The following NUDT3 variants were observed in gnomAD, a reference collection of about 807,000 sequenced individuals.
The protein encoded by NUDT3 is diphosphoinositol polyphosphate phosphohydrolase 1.
In NUDT3, 9 loss-of-function variants were observed where a neutral mutation model predicts 23.6. The observed-to-expected ratio is 0.38, with a 90% confidence interval of 0.23 to 0.66. The LOEUF (loss-of-function observed/expected upper bound fraction) is 0.66. Among genes scored for constraint, NUDT3 ranks in the 30% least tolerant of loss-of-function variants. NUDT3 has a pLI of 0.52. For synonymous variants in NUDT3, 86 were observed against 82.6 expected, an observed-to-expected ratio of 1.04 and a Z score of -0.22; for missense variants, 172 against 218.5, an observed-to-expected ratio of 0.79 and a Z score of 1.34.
At chr6:34,364,607 C>A (rs1159267580) in intron 1 of NUDT3, among the ~76,000 whole-genome samples, 1 of 152,184 alleles carries the variant, frequency 6.6e-6, no homozygotes, top group African/African-American at 2.4e-5. Context: ...TTTTGCCCAA[C>A]CTTTACCTTG....
rs116043379 is a variant in NUDT3 at position 34,368,275 on chromosome 6, G to A, written c.99+23989C>T. On this transcript the variant is annotated intron_variant, in intron 1 of 4. Transcript: ENST00000607016. ...TCTTTCTTGGGATGTTTTCATATTA[G>A]GACTACTTCAAGCTGCTTTTTTCCT... Among the ~76,000 whole-genome samples, 1,220 of 152,268 alleles carry A rather than the reference G, an allele frequency of 8.0e-3. 15 individuals carry two copies. The highest frequency in any genetic ancestry group is 0.024 in the Middle Eastern group (7 of 294).
chr6:34,301,717 A>C lies in NUDT3; in HGVS notation c.211-6032T>G, dbSNP rs114681667. Among the ~76,000 whole-genome samples, 540 of 152,336 alleles carry C rather than the reference A, an allele frequency of 3.5e-3. 5 individuals are homozygous for C. Among genetic ancestry groups the C allele is most frequent in the Admixed American group, 7.6e-3 (117 of 15,304 alleles). ...TTGACCTTGGCTTGTAAGGAGTAAT[A>C]AGTACTATTTTAAGCCACTGCATTT... On this transcript the variant is annotated intron_variant, in intron 2 of 4. Coordinates refer to ENST00000607016, the MANE Select transcript of NUDT3 (RefSeq NM_006703.4).
intron 2 of NUDT3, among the ~76,000 whole-genome samples, chr6:34,331,999 CAAGT>C (rs1395798445): frequency 1.3e-5 from 2 of 152,102 alleles, no homozygotes; most frequent in Admixed American, 1.3e-4. Flanking sequence ...CTCAGCCTCC[CAAGT>C]AACTGGGACT....
chr6:34,304,823 C>G (rs904619133), intron 2 of NUDT3, among the ~76,000 whole-genome samples: 2 of 147,466 alleles, frequency 1.4e-5, no homozygotes, highest in East Asian at 3.9e-4. Flanking sequence ...TCATGCCCAG[C>G]TAATTAAAAA....
In NUDT3 at chr6:34,304,664, T is replaced by C. The variant is rs184865980; in HGVS notation, c.211-8979A>G. ...TTCAAATTTTTCTTTTTCCTTTTTT[T>C]TTTTGTTTTTTTGGAGAAAGGCTCT... On this transcript the variant is annotated intron_variant, in intron 2 of 4. Transcript: ENST00000607016. 1.2e-3 allele frequency among the ~76,000 whole-genome samples: 183 copies of C among 151,872 alleles called. 1 individual carries two copies. The East Asian group carries it at 0.013, about 11-fold the overall frequency.
At chr6:34,297,760 A>ATATATATATATATATTTT (rs1763535832) in intron 2 of NUDT3, among the ~76,000 whole-genome samples, 5 of 53,648 alleles carry the variant, frequency 9.3e-5, no homozygotes, top group Non-Finnish European at 1.5e-4. Context: ...TATATATATA[A>ATATATATATATATATTTT]TTTTTTTTTT....
At chr6:34,346,703 G>GT (rs1272757782) in intron 1 of NUDT3, among the ~76,000 whole-genome samples, 5 of 151,610 alleles carry the variant, frequency 3.3e-5, no homozygotes, top group Non-Finnish European at 7.4e-5. Context: ...GCTCTCCTCG[G>GT]TAAGTTTCCT....
intron 1 of NUDT3, among the ~76,000 whole-genome samples, chr6:34,384,515 C>G (rs1451981075): frequency 6.6e-6 from 1 of 152,114 alleles, no homozygotes; most frequent in African/African-American, 2.4e-5. Flanking sequence ...TACAAACAAG[C>G]CCATCCCTGT....
intron 1 of NUDT3, among the ~76,000 whole-genome samples, chr6:34,366,519 A>AGGGGGG (rs1764737219): frequency 1.5e-5 from 1 of 66,278 alleles, no homozygotes; most frequent in African/African-American, 5.9e-5. Context: ...GAGGGAGAGA[A>AGGGGGG]GGTAGTGCCA....
At chr6:34,321,679 G>A (rs1280623052) in intron 2 of NUDT3, among the ~76,000 whole-genome samples, 2 of 152,040 alleles carry the variant, frequency 1.3e-5, no homozygotes, top group Non-Finnish European at 2.9e-5. Flanking sequence ...TCCATTCCAT[G>A]GGTATGCAAG....
At chr6:34,320,234 T>A (rs1402728244) in intron 2 of NUDT3, among the ~76,000 whole-genome samples, 1 of 150,948 alleles carries the variant, frequency 6.6e-6, no homozygotes, top group African/African-American at 2.4e-5. Context: ...TTTCTGCTCT[T>A]TTTTTTTTGG....
At chr6:34,351,320 T>G (rs1201889554) in intron 1 of NUDT3, among the ~76,000 whole-genome samples, 3 of 144,092 alleles carry the variant, frequency 2.1e-5, no homozygotes, top group African/African-American at 7.9e-5. Flanking sequence ...CAAAAAAAAT[T>G]AGCCAGACCT....
At chr6:34,385,692 T>A (rs1561926133) in intron 1 of NUDT3, among the ~76,000 whole-genome samples, 1 of 151,936 alleles carries the variant, frequency 6.6e-6, no homozygotes. Context: ...ATTTCTTTTT[T>A]TTTTTTTTTG....
At chr6:34,322,674 A>G (rs769706017) in intron 2 of NUDT3, among the ~76,000 whole-genome samples, 2 of 152,250 alleles carry the variant, frequency 1.3e-5, no homozygotes, top group Non-Finnish European at 2.9e-5. Flanking sequence ...GGAAACAAAT[A>G]TAACAAACAT....
At chr6:34,341,351 T>C (rs1380651763) in intron 2 of NUDT3, among the ~76,000 whole-genome samples, 1 of 152,136 alleles carries the variant, frequency 6.6e-6, no homozygotes, top group Non-Finnish European at 1.5e-5. Context: ...TCAACACATG[T>C]ATGTGGAACA....
At chr6:34,391,109 ACTT>A (rs1407925809) in intron 1 of NUDT3, among the ~76,000 whole-genome samples, 2 of 152,068 alleles carry the variant, frequency 1.3e-5, no homozygotes, top group Admixed American at 6.6e-5. Flanking sequence ...TCAAATTCCC[ACTT>A]CCTCCTAAAT....
chr6:34,307,168 G>C (rs1049389990), intron 2 of NUDT3, among the ~76,000 whole-genome samples: 5 of 152,162 alleles, frequency 3.3e-5, no homozygotes, highest in African/African-American at 1.2e-4. Context: ...CAGCCACTTG[G>C]GAGGCTGGGT....
intron 1 of NUDT3, among the ~76,000 whole-genome samples, chr6:34,367,130 C>T (rs528905986): frequency 4.6e-5 from 7 of 152,066 alleles, no homozygotes; most frequent in Non-Finnish European, 1.0e-4. Flanking sequence ...GTAATCCACC[C>T]GCCTCAGCCT....
intron 1 of NUDT3, among the ~76,000 whole-genome samples, chr6:34,383,255 C>G (rs1252857094): frequency 6.6e-6 from 1 of 152,016 alleles, no homozygotes; most frequent in Non-Finnish European, 1.5e-5. Context: ...CAAAACACAT[C>G]AGAAATATGT....
Sources: gnomAD v4.1 joint callset for allele counts (sites outside exome capture counted in the v4.1 genomes callset) on GRCh38, gnomAD v4.1.1 for gene constraint, MANE v1.5 for transcripts, NCBI Gene and HGNC (gene_info 2026-07-23, HGNC 2026-07-21) for gene names.